Variants in ATF3 observed in about 807,000 individuals in gnomAD.
ATF3 encodes the protein activating transcription factor 3.
ATF3 carries 10 observed loss-of-function variants against 18.4 expected under a neutral mutation model. The observed-to-expected ratio is 0.54, with a 90% CI of 0.34 to 0.92. The LOEUF is 0.92. Ranked by LOEUF, ATF3 falls within the 40% of genes least tolerant of loss-of-function variation. The pLI is 0.02. For missense variants in ATF3, 183 were observed against 222.3 expected (o/e 0.82, Z 1.12); for synonymous variants, 78 against 87.9 (o/e 0.89, Z 0.63).
intron 1 of ATF3, among the ~76,000 whole-genome samples, chr1:212,587,881 G>A (rs924274756): frequency 6.6e-6 from 1 of 151,746 alleles, no homozygotes; most frequent in Admixed American, 6.6e-5. Context: ...GGGAAATGGG[G>A]AGTGTGGGAT....
Position 212,576,721 on chromosome 1 carries a change from C to CTTTTTTTTTTTT in ATF3, c.-5+11251_-5+11262dup, listed in dbSNP as rs57512671. ...AAAAAATATTCTTTTCTTTTCTTTT[C>CTTTTTTTTTTTT]TTTTTTTTTTTTTTTTTTTTTTTTG... On this transcript the variant is annotated intron_variant, in intron 1 of 3. Coordinates refer to the ATF3 transcript ENST00000366981. Among the ~76,000 whole-genome samples, 42 of 57,296 alleles carry CTTTTTTTTTTTT rather than the reference C, an allele frequency of 7.3e-4. 1 individual carries two copies. The highest frequency in any genetic ancestry group is 1.6e-3 in the South Asian group (2 of 1,256). The allele number at this position is 57,296 out of a possible 152,430, so 37.6% of individuals were successfully genotyped here.
chr1:212,604,130 A>G (rs1038068609), upstream of ATF3, among the ~76,000 whole-genome samples: 2 of 152,170 alleles, frequency 1.3e-5, no homozygotes, highest in Admixed American at 6.5e-5. Context: ...TTTCACATCT[A>G]CTATCTCATT....
intron 1 of ATF3, among the ~76,000 whole-genome samples, chr1:212,577,628 G>GT (rs1558225667): frequency 2.0e-5 from 3 of 149,244 alleles, no homozygotes; most frequent in African/African-American, 7.4e-5. Context: ...CTCTGCTTCT[G>GT]TAAGATCAAC....
intron 1 of ATF3, among the ~76,000 whole-genome samples, chr1:212,576,721 CTT>C (rs57512671): frequency 1.9e-4 from 11 of 57,300 alleles, no homozygotes; most frequent in African/African-American, 3.8e-4. Context: ...CTTTTCTTTT[CTT>C]TTTTTTTTTT....
chr1:212,606,054 T>A (rs2102644809), upstream of ATF3, among the ~76,000 whole-genome samples: 2 of 152,292 alleles, frequency 1.3e-5, no homozygotes, highest in Middle Eastern at 6.8e-3. Context: ...ACACTGGACA[T>A]TGGTGGCATT....
rs377396197 is a variant in ATF3 at position 212,614,664 on chromosome 1, CCTCA to C, written c.-4-351_-4-348del. 2.9e-3 allele frequency among the ~76,000 whole-genome samples: 442 copies of C among 151,588 alleles called. 3 individuals are homozygous for C. Among genetic ancestry groups the C allele is most frequent in the African/African-American group, 0.01 (423 of 41,268 alleles). ...AGATTACTCATGATTTTTAAAATGG[CCTCA>C]CTGATTTTTAAAAAATGTTCTTCCT... On this transcript the variant is annotated intron_variant, in intron 1 of 3. Transcript: ENST00000341491.
At chr1:212,581,585 A>G (rs541039421) in intron 1 of ATF3, among the ~76,000 whole-genome samples, 30 of 152,338 alleles carry the variant, frequency 2.0e-4, no homozygotes, top group Non-Finnish European at 3.2e-4. Context: ...GCAATAGAAA[A>G]TTATACTTTA....
chr1:212,575,382 G>GT (rs1366578921), intron 1 of ATF3, among the ~76,000 whole-genome samples: 6 of 152,000 alleles, frequency 3.9e-5, no homozygotes, highest in Admixed American at 2.6e-4. Context: ...ATTTTTGCAT[G>GT]TTTTTTGTAT....
chr1:212,609,739 G>A (rs2102649802), intron 1 of ATF3, among the ~76,000 whole-genome samples: 1 of 152,390 alleles, frequency 6.6e-6, no homozygotes, highest in Non-Finnish European at 1.5e-5. Flanking sequence ...CCGTGGCGGG[G>A]AAGCGAGGGT....
At chr1:212,601,777 G>A (rs1382150287) in intron 1 of ATF3, among the ~76,000 whole-genome samples, 1 of 152,176 alleles carries the variant, frequency 6.6e-6, no homozygotes, top group African/African-American at 2.4e-5. Context: ...CAGTAAGCCA[G>A]CCTGAGAGAT....
chr1:212,612,017 TGTG>T (rs889206797), intron 1 of ATF3, among the ~76,000 whole-genome samples: 102 of 152,232 alleles, frequency 6.7e-4, no homozygotes, highest in African/African-American at 1.5e-3. Context: ...TTCATTTCCT[TGTG>T]GGGACACAGC....
chr1:212,617,059 G>A (rs939818552), intron 2 of ATF3, among the ~76,000 whole-genome samples: 1 of 152,162 alleles, frequency 6.6e-6, no homozygotes, highest in Non-Finnish European at 1.5e-5. Flanking sequence ...CATATAGATG[G>A]CACTTAAAGC....
At chr1:212,569,366 C>T (rs1232002197) in intron 1 of ATF3, among the ~76,000 whole-genome samples, 2 of 152,200 alleles carry the variant, frequency 1.3e-5, no homozygotes, top group African/African-American at 4.8e-5. Context: ...AGTGGCAATA[C>T]TTTTTCCCCA....
chr1:212,580,505 G>GT (rs1198907835), intron 1 of ATF3, among the ~76,000 whole-genome samples: 1 of 152,084 alleles, frequency 6.6e-6, no homozygotes, highest in Non-Finnish European at 1.5e-5. Flanking sequence ...AGTAGAGACT[G>GT]TTGGCCAGGC....
At chr1:212,616,942 T>A (rs1373636149) in intron 2 of ATF3, among the ~76,000 whole-genome samples, 1 of 152,094 alleles carries the variant, frequency 6.6e-6, no homozygotes, top group African/African-American at 2.4e-5. Flanking sequence ...AGGAGGTCTG[T>A]CCTATTCTGC....
At chr1:212,597,451 C>CT (rs1553302898) in intron 1 of ATF3, among the ~76,000 whole-genome samples, 283 of 114,410 alleles carry the variant, frequency 2.5e-3, no homozygotes, top group African/African-American at 3.3e-3. Flanking sequence ...ATCTATCTAT[C>CT]ATCTATCTCT....
At chr1:212,591,545 C>A (rs1031995003) in intron 1 of ATF3, among the ~76,000 whole-genome samples, 79 of 152,164 alleles carry the variant, frequency 5.2e-4, no homozygotes, top group African/African-American at 1.0e-3. Context: ...CCATCCCCCC[C>A]GCCCCAGTCC....
chr1:212,609,514 C>T (rs1438584476), intron 1 of ATF3, among the ~76,000 whole-genome samples: 2 of 152,210 alleles, frequency 1.3e-5, no homozygotes, highest in African/African-American at 4.8e-5. Flanking sequence ...GCCCTGGGTA[C>T]CCCGCAGCAC....
chr1:212,612,853 A>G (rs1052087811), intron 1 of ATF3, among the ~76,000 whole-genome samples: 3 of 152,198 alleles, frequency 2.0e-5, no homozygotes, highest in Non-Finnish European at 2.9e-5. Flanking sequence ...CCTGGACTCC[A>G]CAGAGCCTCT....
Sources: gnomAD v4.1 joint callset for allele counts (sites outside exome capture counted in the v4.1 genomes callset) on GRCh38, gnomAD v4.1.1 for gene constraint, MANE v1.5 for transcripts, NCBI Gene and HGNC (gene_info 2026-07-23, HGNC 2026-07-21) for gene names.